Variants in MAK observed in about 807,000 individuals in gnomAD.
MAK encodes male germ cell associated kinase.
MAK carries 65 observed loss-of-function variants against 82.6 expected under a neutral mutation model. The ratio of observed to expected loss-of-function variants is 0.79; its 90% CI spans 0.64 to 0.97. The LOEUF (loss-of-function observed/expected upper bound fraction) is 0.97, where lower values mean the gene tolerates loss of function less well. Ranked by LOEUF, MAK falls within the 50% of genes least tolerant of loss-of-function variation. The pLI is 0.00. For missense variants in MAK, 703 were observed against 780.2 expected, an observed-to-expected ratio of 0.90 and a Z score of 1.18; for synonymous variants, 250 against 274.2, an observed-to-expected ratio of 0.91 and a Z score of 0.87.
At chr6:10,820,202 A>G (rs1777830864) in intron 2 of MAK, among the ~76,000 whole-genome samples, 1 of 152,172 alleles carries the variant, frequency 6.6e-6, no homozygotes, top group Non-Finnish European at 1.5e-5. Flanking sequence ...GAAAAAGAAA[A>G]ACCAAATATG....
intron 8 of MAK, chr6:10,797,953 A>G: frequency 8.2e-7 from 1 of 1,212,180 alleles, no homozygotes; most frequent in South Asian, 1.5e-5. Flanking sequence ...CATAATTTGA[A>G]TACTTCAATG....
intron 10 of MAK, 102 bp downstream of exon 10, chr6:10,791,573 G>T: frequency 1.7e-6 from 2 of 1,149,772 alleles, no homozygotes; most frequent in Non-Finnish European, 1.3e-6. Flanking sequence ...GGCCTGTTAA[G>T]CAAACTTTTC....
intron 11 of MAK, 31 bp downstream of exon 11, chr6:10,784,393 T>A (rs1290118472): frequency 6.2e-7 from 1 of 1,612,754 alleles, no homozygotes; most frequent in Admixed American, 1.7e-5. Context: ...ATACTCTAGT[T>A]AGCAGCAAAC....
At chr6:10,837,809 G>A (rs1779249367) in intron 1 of MAK, among the ~76,000 whole-genome samples, 1 of 152,120 alleles carries the variant, frequency 6.6e-6, no homozygotes, top group African/African-American at 2.4e-5. Flanking sequence ...GACAGTTTTC[G>A]TCACACACTT....
At chr6:10,766,226 C>T (rs1772419777) in intron 14 of MAK, among the ~76,000 whole-genome samples, 1 of 152,210 alleles carries the variant, frequency 6.6e-6, no homozygotes, top group Admixed American at 6.5e-5. Flanking sequence ...CTAGCTATCC[C>T]ATATTTACTG....
chr6:10,828,829 T>A (rs1038814403), intron 2 of MAK, among the ~76,000 whole-genome samples: 27 of 151,260 alleles, frequency 1.8e-4, no homozygotes, highest in African/African-American at 4.9e-4. Flanking sequence ...GACACAGACA[T>A]GCACAACGAG....
intron 14 of MAK, among the ~76,000 whole-genome samples, chr6:10,768,513 G>T (rs1158121403): frequency 3.3e-5 from 5 of 152,102 alleles, no homozygotes; most frequent in African/African-American, 7.2e-5. Context: ...CCCGGGAGGT[G>T]GAGGTTGCAG....
At chr6:10,837,454 G>T (rs1296169810) in intron 1 of MAK, among the ~76,000 whole-genome samples, 1 of 152,234 alleles carries the variant, frequency 6.6e-6, no homozygotes, top group East Asian at 1.9e-4. Context: ...GCGGTGGCGC[G>T]GTTGGGGGAA....
rs1775285964 is a variant in MAK, at chr6:10,793,801, T to C, written c.1144-1954A>G. On this transcript the variant is annotated intron_variant, in intron 9 of 14. Coordinates refer to ENST00000354489, the MANE Select transcript of MAK (RefSeq NM_001242957.3). The surrounding 1 kb of genome is among the most constrained non-coding windows in gnomAD (Gnocchi z 4.6). ...TCCTTTCCTTCCCTCACAATATGAG[T>C]CAACAATTGATGCATCTTCCAAGGG... Among the ~76,000 whole-genome samples the C allele has an allele frequency of 6.6e-6, 1 of 152,130 alleles. No homozygotes were observed. Among genetic ancestry groups the C allele is most frequent in the South Asian group, 2.1e-4 (1 of 4,822 alleles).
At chr6:10,826,966 C>T (rs549688285) in intron 2 of MAK, among the ~76,000 whole-genome samples, 4 of 152,180 alleles carry the variant, frequency 2.6e-5, no homozygotes, top group African/African-American at 9.6e-5. Context: ...GCAAAATTAG[C>T]CAGGCGTGGT....
Position 10,796,592 on chromosome 6 carries a change from G to T in MAK, c.832-283C>A, listed in dbSNP as rs939126780. 3.3e-5 allele frequency among the ~76,000 whole-genome samples: 5 copies of T among 152,262 alleles called. No homozygotes were observed. The East Asian group carries it at 9.6e-4, about 29-fold the overall frequency. Reference sequence around the variant, plus strand: ...AGGATGAGGTGGGAGGATCACTTGCGGTCAGGAGTTCAAGACCAGCCCGAC... The same window carrying T: ...AGGATGAGGTGGGAGGATCACTTGCTGTCAGGAGTTCAAGACCAGCCCGAC... On this transcript the variant is annotated intron_variant, in intron 8 of 14. Transcript: ENST00000354489.
At chr6:10,772,087 G>A (rs1773065866) in intron 13 of MAK, among the ~76,000 whole-genome samples, 1 of 152,216 alleles carries the variant, frequency 6.6e-6, no homozygotes, top group Admixed American at 6.5e-5. Flanking sequence ...ACAAAAGCTG[G>A]TGAGTGACAA....
At chr6:10,813,134 AAATTTTTTTTTTTTTTT>A (rs1369102522) in intron 5 of MAK, among the ~76,000 whole-genome samples, 1 of 728 alleles carries the variant, frequency 1.4e-3, no homozygotes, top group African/African-American at 3.0e-3. Flanking sequence ...ATATATATAT[AAATTTTTTTTTTTTTTT>A]TTTTTTTTTT....
intron 11 of MAK, among the ~76,000 whole-genome samples, chr6:10,783,781 G>A (rs1260898596): frequency 6.6e-6 from 1 of 152,196 alleles, no homozygotes; most frequent in Non-Finnish European, 1.5e-5. Flanking sequence ...AGCACTTTGG[G>A]AGGCCAAGGC....
At chr6:10,767,448 A>G (rs1221189015) in intron 14 of MAK, among the ~76,000 whole-genome samples, 1 of 152,170 alleles carries the variant, frequency 6.6e-6, no homozygotes, top group Non-Finnish European at 1.5e-5. Context: ...GGCAGGGGAT[A>G]AGGAAGTATT....
Position 10,770,239 on chromosome 6 carries a change from A to G in MAK, c.1673-9T>C, listed in dbSNP as rs1236341135. 9 of 1,613,646 alleles carry G rather than the reference A, an allele frequency of 5.6e-6. No individual in the cohort carries two copies. Among genetic ancestry groups the G allele is most frequent in the South Asian group, 1.1e-5 (1 of 91,080 alleles). Reference sequence around the variant, plus strand: ...ATAACTTCCAAGATTTCCTAGTGACATATCATAAAGTTTCACAGTCAGAAG... The same window carrying G: ...ATAACTTCCAAGATTTCCTAGTGACGTATCATAAAGTTTCACAGTCAGAAG... On this transcript the variant is annotated splice_polypyrimidine_tract_variant and intron_variant, in intron 13 of 14. Transcript: ENST00000354489.
chr6:10,791,977 CAT>C, intron 9 of MAK, 130 bp from the exon 10 acceptor site: 2 of 906,822 alleles, frequency 2.2e-6, no homozygotes, highest in South Asian at 2.9e-5. Flanking sequence ...AAGGGCATAA[CAT>C]ATATACACAT....
At chr6:10,813,824 C>A (rs746971949) in intron 4 of MAK, 101 bp from the exon 5 acceptor site, 1 of 764,250 alleles carries the variant, frequency 1.3e-6, no homozygotes. Flanking sequence ...ACTGGCCTCA[C>A]GATACTGGTT....
chr6:10,784,841 C>G, intron 10 of MAK: 1 of 593,904 alleles, frequency 1.7e-6, no homozygotes. Context: ...ATGTTTCTAT[C>G]TGTCCTGCAA....
Sources: allele counts gnomAD v4.1 joint callset (sites outside exome capture counted in the v4.1 genomes callset), GRCh38; gene constraint gnomAD v4.1.1; non-coding constraint Gnocchi (gnomAD v3.1); transcripts MANE v1.5; gene names NCBI Gene and HGNC (gene_info 2026-07-23, HGNC 2026-07-21).